Variants in GLYATL2 observed in about 807,000 individuals in gnomAD.
The protein encoded by GLYATL2 is glycine N-acyltransferase-like protein 2.
GLYATL2 carries 25 observed loss-of-function variants against 21.4 expected under a neutral mutation model. That is an observed-to-expected ratio of 1.17 (90% CI 0.85 to 1.63). The LOEUF (loss-of-function observed/expected upper bound fraction) is 1.63. GLYATL2 is among the 40% of genes most tolerant of loss of function. The pLI is 0.00. For missense variants in GLYATL2, 361 were observed against 343.3 expected (o/e 1.05, Z -0.41); for synonymous variants, 114 against 118.2 (o/e 0.96, Z 0.23).
upstream of GLYATL2, chr11:58,905,693 T>C (rs1190350244): frequency 5.3e-6 from 1 of 189,714 alleles, no homozygotes; most frequent in Non-Finnish European, 1.0e-5. Context: ...ACCGAGTGGT[T>C]CGGGGGAGGG....
chr11:58,869,904 C>G (rs190891874), intron 1 of GLYATL2, among the ~76,000 whole-genome samples: 1 of 151,944 alleles, frequency 6.6e-6, no homozygotes, highest in Non-Finnish European at 1.5e-5. Context: ...AGTTTGAGAC[C>G]AGCCTGAAAA....
intron 1 of GLYATL2, among the ~76,000 whole-genome samples, chr11:58,880,715 T>C (rs1190724937): frequency 1.3e-5 from 2 of 152,226 alleles, no homozygotes; most frequent in South Asian, 2.1e-4. Context: ...AAACAGGGGA[T>C]AGACTCATGT....
chr11:58,886,961 G>A (rs981490537), intron 1 of GLYATL2, among the ~76,000 whole-genome samples: 2 of 152,228 alleles, frequency 1.3e-5, no homozygotes, highest in Admixed American at 1.3e-4. Context: ...CCCTAGGGAT[G>A]TTTGTTTGAT....
intron 1 of GLYATL2, among the ~76,000 whole-genome samples, chr11:58,870,020 ATTGC>A (rs988944426): frequency 3.3e-5 from 5 of 152,200 alleles, no homozygotes; most frequent in Non-Finnish European, 5.9e-5. Context: ...AGGTGGGAAG[ATTGC>A]TTGAGCCTGA....
upstream of GLYATL2, chr11:58,905,669 G>A (rs948873253): frequency 6.6e-6 from 3 of 455,028 alleles, no homozygotes; most frequent in African/African-American, 4.0e-5. Flanking sequence ...CTGGTACGCG[G>A]GAACTGGCTG....
upstream of GLYATL2, chr11:58,908,342 A>C (rs1361918934): frequency 6.6e-6 from 1 of 152,658 alleles, no homozygotes; most frequent in African/African-American, 2.4e-5. Context: ...AGTGTTTGAA[A>C]GTGGTTATTT....
chr11:58,886,138 C>A (rs1854434932), intron 1 of GLYATL2, among the ~76,000 whole-genome samples: 1 of 152,108 alleles, frequency 6.6e-6, no homozygotes, highest in Non-Finnish European at 1.5e-5. Flanking sequence ...ATGGCTTGAG[C>A]CCCAGGAGGT....
At chr11:58,879,716 G>T (rs1854297819) in intron 1 of GLYATL2, among the ~76,000 whole-genome samples, 1 of 152,158 alleles carries the variant, frequency 6.6e-6, no homozygotes, top group Non-Finnish European at 1.5e-5. Flanking sequence ...TACAGTTTCT[G>T]TTTGAGATGA....
At chr11:58,905,401 C>G (rs1389275110), upstream of GLYATL2, 4 of 447,074 alleles carry the variant, frequency 8.9e-6, no homozygotes, top group African/African-American at 6.0e-5. Context: ...CCTGGATGCA[C>G]GTCCCGCCAC....
intron 1 of GLYATL2, among the ~76,000 whole-genome samples, chr11:58,849,929 G>C (rs760217251): frequency 1.4e-4 from 22 of 152,052 alleles, no homozygotes; most frequent in Non-Finnish European, 1.3e-4. Context: ...AGAACTTAAA[G>C]TATAATTAAA....
At chr11:58,872,680 T>G (rs553898778) in intron 1 of GLYATL2, among the ~76,000 whole-genome samples, 7 of 152,376 alleles carry the variant, frequency 4.6e-5, no homozygotes, top group African/African-American at 1.7e-4. Context: ...CTGTTTTGGT[T>G]ACTGTAGCCT....
intron 1 of GLYATL2, among the ~76,000 whole-genome samples, chr11:58,901,507 T>C (rs1309703275): frequency 6.6e-6 from 1 of 152,064 alleles, no homozygotes; most frequent in Non-Finnish European, 1.5e-5. Context: ...AGTGATACGG[T>C]TGAACTTTAA....
intron 3 of GLYATL2, among the ~76,000 whole-genome samples, chr11:58,837,978 G>T (rs753471825): frequency 6.6e-6 from 1 of 152,192 alleles, no homozygotes; most frequent in Non-Finnish European, 1.5e-5. Flanking sequence ...TTCAGCCATA[G>T]AAGTCTAGGT....
intron 1 of GLYATL2, among the ~76,000 whole-genome samples, chr11:58,882,911 A>T (rs1363780833): frequency 1.3e-5 from 2 of 152,070 alleles, no homozygotes; most frequent in Non-Finnish European, 2.9e-5. Flanking sequence ...GTTCTGTTCC[A>T]TTGGTCTATA....
At position 58,880,854 on chromosome 11, in the gene GLYATL2, G is replaced by A. The variant is rs569106840; in HGVS notation, n.60+23302C>T. Among the ~76,000 whole-genome samples, 7 of 152,246 alleles carry A rather than the reference G, an allele frequency of 4.6e-5. No individual in the cohort carries two copies. In the East Asian group the frequency reaches 1.2e-3, roughly 25 times the overall value. On this transcript the variant is annotated intron_variant and non_coding_transcript_variant, in intron 1 of 4. Transcript: ENST00000533636. ...GCTACAGAACGTAGTTTAACTTTGA[G>A]GACTTTGACCTCAGACAAGACAAAA...
intron 1 of GLYATL2, among the ~76,000 whole-genome samples, chr11:58,894,617 A>G (rs569177980): frequency 2.6e-5 from 4 of 152,306 alleles, no homozygotes; most frequent in South Asian, 4.1e-4. Flanking sequence ...ATAAAAAGTA[A>G]GCCTCCACAA....
chr11:58,840,272 T>C (rs1299692177), intron 1 of GLYATL2, among the ~76,000 whole-genome samples: 1 of 152,140 alleles, frequency 6.6e-6, no homozygotes, highest in Non-Finnish European at 1.5e-5. Flanking sequence ...GACCAAACTC[T>C]TTTATTCAGT....
chr11:58,838,319 T>C lies in GLYATL2; in HGVS notation c.128A>G (p.Glu43Gly). The C allele has an allele frequency of 1.2e-6, 2 of 1,613,382 alleles. No individual in the cohort carries two copies. Among genetic ancestry groups the C allele is most frequent in the Non-Finnish European group, 8.5e-7 (1 of 1,179,458 alleles). ...NIKDKNPFNMEVLVDAWPDYQ... is the reference protein window; with the variant it reads ...NIKDKNPFNMGVLVDAWPDYQ... The stretch of plus-strand genomic sequence containing the variant: ...ATCTGGCCAGGCATCTACCAGCACC[T>C]CCATGTTGAAAGGGTTTTTATCTTT... Residue 43 changes from glutamate to glycine, a missense_variant, in exon 3 of 6, where the codon GAG (glutamate) becomes GGG (glycine). Transcript: ENST00000287275.
intron 1 of GLYATL2, chr11:58,892,987 T>C (rs1264974110): frequency 3.2e-6 from 1 of 309,458 alleles, no homozygotes; most frequent in Non-Finnish European, 6.3e-6. Context: ...AACTTTGCAA[T>C]GGTAGGTCTT....
Sources: allele counts gnomAD v4.1 joint callset (sites outside exome capture counted in the v4.1 genomes callset), GRCh38; gene constraint gnomAD v4.1.1; transcripts MANE v1.5; gene names NCBI Gene and HGNC (gene_info 2026-07-23, HGNC 2026-07-21).